The following HDAC9 variants were observed in gnomAD, a reference collection of about 807,000 sequenced individuals.
HDAC9 encodes the protein histone deacetylase 9.
A neutral mutation model predicts 139.4 loss-of-function variants in HDAC9; 41 were observed. The ratio of observed to expected loss-of-function variants is 0.29; its 90% CI spans 0.23 to 0.38. The LOEUF (loss-of-function observed/expected upper bound fraction) is 0.38. HDAC9 is among the 10% of genes least tolerant of loss of function. The pLI is 1.00. For missense variants in HDAC9, 1,147 were observed against 1,297.0 expected (o/e 0.88, Z 1.78); for synonymous variants, 517 against 476.2 (o/e 1.09, Z -1.12).
intron 2 of HDAC9, among the ~76,000 whole-genome samples, chr7:18,538,424 A>C (rs540724053): frequency 1.1e-4 from 17 of 152,326 alleles, no homozygotes; most frequent in African/African-American, 3.1e-4. Context: ...ATTCTCATTG[A>C]CATTTATGTT....
chr7:18,821,645 C>T (rs1205110145), intron 17 of HDAC9, among the ~76,000 whole-genome samples: 1 of 152,202 alleles, frequency 6.6e-6, no homozygotes, highest in Non-Finnish European at 1.5e-5. Context: ...CAGCAATTCT[C>T]CAATTATCTG....
intron 12 of HDAC9, among the ~76,000 whole-genome samples, chr7:18,679,453 CT>C (rs1331567952): frequency 6.6e-6 from 1 of 151,636 alleles, no homozygotes; most frequent in African/African-American, 2.4e-5. Flanking sequence ...AAGAATTAGA[CT>C]TTCTCTTTCT....
intron 2 of HDAC9, among the ~76,000 whole-genome samples, chr7:18,172,287 G>T (rs1054763457): frequency 6.6e-5 from 10 of 152,128 alleles, no homozygotes; most frequent in Non-Finnish European, 1.5e-4. Flanking sequence ...CGTGGGATCG[G>T]TGGTGATATC....
At chr7:18,734,171 A>T (rs1383147903) in intron 13 of HDAC9, among the ~76,000 whole-genome samples, 1 of 152,092 alleles carries the variant, frequency 6.6e-6, no homozygotes, top group Non-Finnish European at 1.5e-5. Context: ...ACATTTGGGT[A>T]TTTCTCACAA....
intron 17 of HDAC9, among the ~76,000 whole-genome samples, chr7:18,798,248 CA>C (rs1792979857): frequency 6.6e-6 from 1 of 152,226 alleles, no homozygotes; most frequent in South Asian, 2.1e-4. Flanking sequence ...ATGACATCAG[CA>C]AAGTGTCAGT....
rs1283918471 is a variant in HDAC9, at chr7:18,590,239, A to T, written c.265-97A>T. ...TGGGTACAAATATGAACTAAATACA[A>T]ACAAGTTCCAAAAGCTCATAACATT... On this transcript the variant is annotated intron_variant, in intron 3 of 25. Coordinates refer to ENST00000686413, the MANE Select transcript of HDAC9 (RefSeq NM_178425.4). 7 of 1,281,148 alleles carry T rather than the reference A, an allele frequency of 5.5e-6. No individual in the cohort carries two copies. The African/African-American group carries it at 1.0e-4, about 19-fold the overall frequency. 79.4% of individuals were successfully genotyped at this position (1,281,148 alleles called of 1,614,324 possible). A position where few individuals can be genotyped will look rare whatever the true frequency, so the allele number is the denominator to read the frequency against.
At chr7:18,539,924 A>G (rs1016675071) in intron 2 of HDAC9, among the ~76,000 whole-genome samples, 5 of 152,016 alleles carry the variant, frequency 3.3e-5, no homozygotes, top group Non-Finnish European at 4.4e-5. Flanking sequence ...ACAAATGTCA[A>G]TGGGAAGCAT....
intron 22 of HDAC9, among the ~76,000 whole-genome samples, chr7:18,884,805 T>C (rs1800005206): frequency 6.6e-6 from 1 of 152,098 alleles, no homozygotes; most frequent in South Asian, 2.1e-4. Flanking sequence ...CCTTCGACCT[T>C]CCTTACCTAT....
At chr7:18,687,500 TC>T (rs1782357395) in intron 12 of HDAC9, among the ~76,000 whole-genome samples, 1 of 151,936 alleles carries the variant, frequency 6.6e-6, no homozygotes, top group Non-Finnish European at 1.5e-5. Flanking sequence ...ATAAATAACA[TC>T]TATACTTTTC....
rs149112160 is a variant in HDAC9 at position 18,104,461 on chromosome 7, G to A, written c.-97+17248G>A. Among the ~76,000 whole-genome samples, 9 of 152,082 alleles carry A rather than the reference G, an allele frequency of 5.9e-5. No individual in the cohort carries two copies. In the East Asian group the frequency reaches 1.5e-3, roughly 26 times the overall value. On this transcript the variant is annotated intron_variant, in intron 1 of 12. Coordinates refer to the HDAC9 transcript ENST00000417496. The stretch of plus-strand genomic sequence containing the variant: ...TGAGAAATTTAAAAAAAGATTTGAG[G>A]CACTTAAATCCTTATGCTGACTTTT...
chr7:18,686,525 T>G (rs902398477), intron 12 of HDAC9, among the ~76,000 whole-genome samples: 2 of 151,928 alleles, frequency 1.3e-5, no homozygotes, highest in Non-Finnish European at 2.9e-5. Context: ...AATCCCCAAC[T>G]CTTCCATTCT....
chr7:18,993,788 G>T (rs1786214874), intron 25 of HDAC9, among the ~76,000 whole-genome samples: 1 of 152,140 alleles, frequency 6.6e-6, no homozygotes, highest in African/African-American at 2.4e-5. Context: ...GGGCAACAGA[G>T]TGAGACCCTG....
chr7:18,757,841 G>A (rs1789019956), intron 14 of HDAC9, among the ~76,000 whole-genome samples: 2 of 152,140 alleles, frequency 1.3e-5, no homozygotes, highest in Non-Finnish European at 2.9e-5. Context: ...ATGCATTAAC[G>A]GGCTCTCTTT....
At chr7:18,114,647 G>T (rs1584125290) in intron 1 of HDAC9, among the ~76,000 whole-genome samples, 1 of 152,310 alleles carries the variant, frequency 6.6e-6, no homozygotes, top group Non-Finnish European at 1.5e-5. Flanking sequence ...AGATGGAGCA[G>T]TCCAGGAAGT....
chr7:18,292,332 G>A (rs528560646), intron 1 of HDAC9, among the ~76,000 whole-genome samples: 6 of 152,222 alleles, frequency 3.9e-5, no homozygotes, highest in African/African-American at 1.2e-4. Context: ...TGACTTCTTA[G>A]AGCGTTTGTC....
chr7:18,741,008 A>G (rs775469934), intron 13 of HDAC9, among the ~76,000 whole-genome samples: 1 of 152,204 alleles, frequency 6.6e-6, no homozygotes, highest in East Asian at 1.9e-4. Flanking sequence ...TTGCTGAAGA[A>G]AAGTTGAAAG....
intron 2 of HDAC9, among the ~76,000 whole-genome samples, chr7:18,550,852 G>T (rs552288277): frequency 3.3e-5 from 5 of 152,274 alleles, no homozygotes; most frequent in African/African-American, 1.2e-4. Context: ...GCTTTTGAAG[G>T]TGTTGGTTTT....
intron 1 of HDAC9, among the ~76,000 whole-genome samples, chr7:18,101,300 A>G (rs1338564568): frequency 2.6e-5 from 4 of 152,156 alleles, no homozygotes; most frequent in South Asian, 4.1e-4. Flanking sequence ...CTGGGCCACA[A>G]TCTGGAAGCT....
intron 13 of HDAC9, among the ~76,000 whole-genome samples, chr7:18,733,198 C>T (rs530126118): frequency 8.9e-5 from 13 of 145,900 alleles, no homozygotes; most frequent in African/African-American, 2.5e-4. Flanking sequence ...CATATATACA[C>T]GTGTATACAT....
Sources: allele counts gnomAD v4.1 joint callset (sites outside exome capture counted in the v4.1 genomes callset), GRCh38; gene constraint gnomAD v4.1.1; transcripts MANE v1.5; gene names NCBI Gene and HGNC (gene_info 2026-07-23, HGNC 2026-07-21).